The following TOX variants were observed in gnomAD, a reference collection of about 807,000 sequenced individuals.
The protein encoded by TOX is thymocyte selection-associated high mobility group box protein TOX.
In TOX, 11 loss-of-function variants were observed where a neutral mutation model predicts 53.7. The observed-to-expected ratio is 0.20, with a 90% CI of 0.13 to 0.34. The LOEUF is 0.34. Ranked by LOEUF, TOX falls within the 10% of genes least tolerant of loss-of-function variation. The pLI is 1.00. For missense variants in TOX, 570 were observed against 664.6 expected, an observed-to-expected ratio of 0.86 and a Z score of 1.56; for synonymous variants, 225 against 245.3, an observed-to-expected ratio of 0.92 and a Z score of 0.77.
intron 6 of TOX, among the ~76,000 whole-genome samples, chr8:58,825,669 C>CGCT (rs1458771472): frequency 2.0e-5 from 3 of 152,142 alleles, no homozygotes; most frequent in African/African-American, 7.2e-5. Flanking sequence ...TTAAAAGCCC[C>CGCT]GCTATGTTTT....
chr8:58,988,984 T>G (rs1813388956), intron 1 of TOX, among the ~76,000 whole-genome samples: 1 of 152,178 alleles, frequency 6.6e-6, no homozygotes, highest in Non-Finnish European at 1.5e-5. Flanking sequence ...AATAAAATTT[T>G]TCTCCTCCAA....
chr8:58,809,507 A>T (rs1218672255), intron 7 of TOX, among the ~76,000 whole-genome samples: 1 of 152,250 alleles, frequency 6.6e-6, no homozygotes, highest in Admixed American at 6.5e-5. Flanking sequence ...TCAAGCCAAC[A>T]TCACCACTGA....
At chr8:58,963,457 G>A (rs1289323366) in intron 1 of TOX, among the ~76,000 whole-genome samples, 2 of 152,096 alleles carry the variant, frequency 1.3e-5, no homozygotes, top group African/African-American at 4.8e-5. Flanking sequence ...AGGATATTCA[G>A]AACTCCTCCA....
intron 7 of TOX, 127 bp from the exon 8 acceptor site, chr8:58,808,396 G>T: frequency 8.3e-7 from 1 of 1,205,078 alleles, no homozygotes; most frequent in Non-Finnish European, 1.1e-6. Context: ...GGGCAAGCCT[G>T]TCGGAAGAGC....
At chr8:58,883,746 T>G (rs1005952125) in intron 3 of TOX, among the ~76,000 whole-genome samples, 13 of 152,102 alleles carry the variant, frequency 8.5e-5, no homozygotes, top group African/African-American at 2.7e-4. Flanking sequence ...ATAAAAGCAC[T>G]GCTAATTATA....
At chr8:59,076,916 TACTAGAGTATCATTTGTATAGC>T (rs1804303143) in intron 1 of TOX, among the ~76,000 whole-genome samples, 1 of 152,246 alleles carries the variant, frequency 6.6e-6, no homozygotes, top group Non-Finnish European at 1.5e-5. Context: ...TCAGTATCAA[TACTAGAGTATCATTTGTATAGC>T]ACTTTACAAA....
At chr8:58,896,637 T>C (rs1199083811) in intron 3 of TOX, among the ~76,000 whole-genome samples, 1 of 152,112 alleles carries the variant, frequency 6.6e-6, no homozygotes, top group African/African-American at 2.4e-5. Flanking sequence ...ATCATGCTAC[T>C]GCACTCCAGT....
At chr8:58,890,614 C>T (rs148104573) in intron 3 of TOX, among the ~76,000 whole-genome samples, 2 of 152,156 alleles carry the variant, frequency 1.3e-5, no homozygotes, top group East Asian at 3.9e-4. Context: ...CTCCAGGGGG[C>T]TATGAGAGAA....
At chr8:59,051,169 A>G (rs1803782497) in intron 1 of TOX, among the ~76,000 whole-genome samples, 1 of 152,144 alleles carries the variant, frequency 6.6e-6, no homozygotes, top group African/African-American at 2.4e-5. Flanking sequence ...ATAACCCTTC[A>G]TACTTACTAG....
intron 3 of TOX, among the ~76,000 whole-genome samples, chr8:58,876,313 C>A (rs1264604328): frequency 6.6e-6 from 1 of 151,956 alleles, no homozygotes; most frequent in East Asian, 1.9e-4. Flanking sequence ...TGGGTTAATT[C>A]AGGCTGATAT....
chr8:58,867,941 G>C (rs1297293262), intron 3 of TOX, among the ~76,000 whole-genome samples: 2 of 152,168 alleles, frequency 1.3e-5, no homozygotes, highest in East Asian at 1.9e-4. Flanking sequence ...TCTCCCAAGA[G>C]AGTTTTGTCT....
chr8:58,973,402 C>CT (rs1167800903), intron 1 of TOX, among the ~76,000 whole-genome samples: 2 of 152,180 alleles, frequency 1.3e-5, no homozygotes, highest in African/African-American at 4.8e-5. Flanking sequence ...AAAACAGTGC[C>CT]TTTTCACACT....
chr8:58,956,635 T>C (rs1395793849), intron 2 of TOX, among the ~76,000 whole-genome samples: 2 of 152,182 alleles, frequency 1.3e-5, no homozygotes, highest in African/African-American at 2.4e-5. Context: ...ATAATCTTGC[T>C]CTGTTGCCCA....
chr8:58,975,227 A>G (rs1433274110), intron 1 of TOX, among the ~76,000 whole-genome samples: 1 of 140,814 alleles, frequency 7.1e-6, no homozygotes, highest in African/African-American at 2.6e-5. Context: ...ATGTATGTAT[A>G]TGTGTGTGAT....
In TOX at chr8:58,924,220, T is replaced by G. The variant is rs561714979; in HGVS notation, c.411+15082A>C. On this transcript the variant is annotated intron_variant, in intron 3 of 8. Coordinates refer to ENST00000361421, the MANE Select transcript of TOX (RefSeq NM_014729.3). ...ATTTTAGGTAAAAATGCATTTTTAG[T>G]ATTCAGGTAAACACCTTAATTTTCC... Among the ~76,000 whole-genome samples, 4 of 152,350 alleles carry G rather than the reference T, an allele frequency of 2.6e-5. No individual in the cohort carries two copies. The South Asian group carries it at 8.3e-4, about 32-fold the overall frequency.
chr8:59,068,094 A>G (rs1804126728), intron 1 of TOX, among the ~76,000 whole-genome samples: 2 of 152,248 alleles, frequency 1.3e-5, no homozygotes, highest in Non-Finnish European at 2.9e-5. Flanking sequence ...ATCTGAAATT[A>G]TTATTATGCT....
At chr8:58,884,782 T>C (rs1585879461) in intron 3 of TOX, among the ~76,000 whole-genome samples, 1 of 152,210 alleles carries the variant, frequency 6.6e-6, no homozygotes, top group East Asian at 1.9e-4. Context: ...TGACCCTTGC[T>C]TAAATTTCTT....
intron 1 of TOX, among the ~76,000 whole-genome samples, chr8:59,070,347 C>CAATCCATAT (rs1012811524): frequency 2.4e-4 from 36 of 152,174 alleles, no homozygotes; most frequent in Admixed American, 1.2e-3. Context: ...AACTAACACA[C>CAATCCATAT]AATCCATATA....
intron 3 of TOX, among the ~76,000 whole-genome samples, chr8:58,921,538 T>C (rs1293099835): frequency 6.6e-6 from 1 of 152,200 alleles, no homozygotes; most frequent in Admixed American, 6.5e-5. Context: ...CAGCTACACT[T>C]TCAGTATTTC....
Sources: allele counts gnomAD v4.1 joint callset (sites outside exome capture counted in the v4.1 genomes callset), GRCh38; gene constraint gnomAD v4.1.1; transcripts MANE v1.5; gene names NCBI Gene and HGNC (gene_info 2026-07-23, HGNC 2026-07-21).